KCNJ16: variants seen among roughly 807,000 people sequenced by gnomAD.
The protein encoded by KCNJ16 is potassium inwardly rectifying channel subfamily J member 16.
Under a neutral mutation model 18.5 loss-of-function variants are expected in KCNJ16, and 15 were observed. The observed-to-expected ratio is 0.81, with a 90% CI of 0.54 to 1.25. KCNJ16 has a LOEUF of 1.25. Ranked by LOEUF, KCNJ16 falls within the 50% of genes most tolerant of loss-of-function variation. KCNJ16 has a pLI of 0.00. For missense variants in KCNJ16, 523 were observed against 525.7 expected (o/e 0.99, Z 0.05); for synonymous variants, 174 against 186.5 (o/e 0.93, Z 0.55).
chr17:70,099,437 C>A (rs375604632), intron 1 of KCNJ16, among the ~76,000 whole-genome samples: 1 of 152,038 alleles, frequency 6.6e-6, no homozygotes, highest in East Asian at 1.9e-4. Context: ...TAGGGAGACA[C>A]ATTTTTATCT....
In KCNJ16 at chr17:70,135,000, C is replaced by CT. The variant is rs1415905515; in HGVS notation, c.*1660dup. 2 of 137,326 alleles carry CT rather than the reference C, an allele frequency of 1.5e-5. No individual in the cohort carries two copies. The highest frequency in any genetic ancestry group is 3.1e-5 in the African/African-American group (1 of 32,678). The allele number at this position is 137,326 out of a possible 1,614,324, so 8.5% of individuals were successfully genotyped here. A position where few individuals can be genotyped will look rare whatever the true frequency, so the allele number is the denominator to read the frequency against. On this transcript the variant is annotated 3_prime_UTR_variant, in exon 4 of 4. Coordinates refer to ENST00000392671, the MANE Select transcript of KCNJ16 (RefSeq NM_170741.4). ...CCCCCTCATCCTTCCCTTTCTCCTT[C>CT]TTTTCCCTTTTTTTTTTTTTTTTGA...
chr17:70,080,883 T>G (rs951205552), intron 1 of KCNJ16, among the ~76,000 whole-genome samples: 2 of 152,150 alleles, frequency 1.3e-5, no homozygotes, highest in Non-Finnish European at 2.9e-5. Flanking sequence ...GTTCGCTAGA[T>G]CTCCGATTCA....
chr17:70,129,606 A>G (rs2073986677), intron 2 of KCNJ16, among the ~76,000 whole-genome samples: 1 of 152,246 alleles, frequency 6.6e-6, no homozygotes, highest in Admixed American at 6.5e-5. Flanking sequence ...AGACCTAAAC[A>G]GAATCTGAAT....
intron 2 of KCNJ16, among the ~76,000 whole-genome samples, chr17:70,127,423 T>A (rs2073892524): frequency 6.7e-6 from 1 of 149,372 alleles, no homozygotes; most frequent in African/African-American, 2.5e-5. Context: ...CTCAGGCTCC[T>A]GCATAATTCT....
intron 2 of KCNJ16, among the ~76,000 whole-genome samples, chr17:70,118,383 A>G (rs182100895): frequency 1.7e-3 from 255 of 152,294 alleles, no homozygotes; most frequent in Non-Finnish European, 3.3e-3. Context: ...TGTTCTGCAC[A>G]TGTATCCAAG....
rs1174737922 is a variant in KCNJ16, at chr17:70,134,480, C to A, written c.*1136C>A. ...TTTGTGAGATAGAATTCAATTAAAG[C>A]GATTTGAATGCACAGTAAGTGGATA... On this transcript the variant is annotated 3_prime_UTR_variant, in exon 4 of 4. Coordinates refer to ENST00000392671, the MANE Select transcript of KCNJ16 (RefSeq NM_170741.4). 1 of 166,800 alleles carries A rather than the reference C, an allele frequency of 6.0e-6. No homozygotes were observed. The highest frequency in any genetic ancestry group is 1.5e-5 in the Non-Finnish European group (1 of 68,106). 10.3% of individuals were successfully genotyped at this position (166,800 alleles called of 1,614,324 possible).
chr17:70,120,340 CCT>C (rs1479151144), intron 2 of KCNJ16, among the ~76,000 whole-genome samples: 2 of 152,188 alleles, frequency 1.3e-5, no homozygotes, highest in African/African-American at 4.8e-5. Context: ...ACTCTTCCAC[CCT>C]CTGTCTGTCA....
Position 70,132,581 on chromosome 17 carries a change from T to A in KCNJ16, c.494T>A (p.Ile165Asn). 1 of 1,614,220 alleles carries A rather than the reference T, an allele frequency of 6.2e-7. No homozygotes were observed. The highest frequency in any genetic ancestry group is 8.5e-7 in the Non-Finnish European group (1 of 1,180,026). Residue 165 changes from isoleucine to asparagine, a missense_variant, in exon 4 of 4, where the codon ATT becomes AAT. Coordinates refer to ENST00000392671, the MANE Select transcript of KCNJ16 (RefSeq NM_170741.4). ...AGTTGCATCATAAATACCTTTATCA[T>A]TGGAGCTGCCTTGGCCAAAATGGCA... Reference protein sequence around the residue: ...ILSCIINTFIIGAALAKMATA... With the variant: ...ILSCIINTFINGAALAKMATA...
At chr17:70,084,117 G>A (rs868771610) in intron 1 of KCNJ16, among the ~76,000 whole-genome samples, 6 of 151,938 alleles carry the variant, frequency 3.9e-5, no homozygotes, top group East Asian at 1.9e-4. Flanking sequence ...TGCGTGGGTC[G>A]CCTGAGCACC....
intron 2 of KCNJ16, chr17:70,101,019 T>C (rs1371497145): frequency 1.3e-5 from 2 of 152,240 alleles, no homozygotes; most frequent in African/African-American, 2.4e-5. Context: ...AGAAATGCTA[T>C]TTATATATTT....
chr17:70,103,394 T>C (rs1326162690), intron 2 of KCNJ16, among the ~76,000 whole-genome samples: 1 of 149,912 alleles, frequency 6.7e-6, no homozygotes, highest in Non-Finnish European at 1.5e-5. Flanking sequence ...CACGAACTCC[T>C]GGGCTCAAGC....
At chr17:70,090,189 ATGG>A (rs1567781053) in intron 1 of KCNJ16, among the ~76,000 whole-genome samples, 1 of 152,206 alleles carries the variant, frequency 6.6e-6, no homozygotes, top group Non-Finnish European at 1.5e-5. Flanking sequence ...GGAAAGGCTG[ATGG>A]TGGTGATTTT....
At chr17:70,094,100 G>C (rs921254823) in intron 1 of KCNJ16, among the ~76,000 whole-genome samples, 1 of 152,154 alleles carries the variant, frequency 6.6e-6, no homozygotes, top group Non-Finnish European at 1.5e-5. Flanking sequence ...CATGACTCAG[G>C]TTTTCTTCCA....
At chr17:70,109,924 C>T (rs1233093809) in intron 2 of KCNJ16, among the ~76,000 whole-genome samples, 3 of 152,166 alleles carry the variant, frequency 2.0e-5, no homozygotes, top group Non-Finnish European at 2.9e-5. Flanking sequence ...CAAGGATCTC[C>T]CAAGGCTAAA....
At chr17:70,118,493 C>G (rs1267892561) in intron 2 of KCNJ16, among the ~76,000 whole-genome samples, 1 of 152,062 alleles carries the variant, frequency 6.6e-6, no homozygotes, top group African/African-American at 2.4e-5. Flanking sequence ...TCTGCAGGTT[C>G]TCCAGGAAGC....
chr17:70,088,481 TG>T (rs2071940110), intron 1 of KCNJ16, among the ~76,000 whole-genome samples: 1 of 152,172 alleles, frequency 6.6e-6, no homozygotes, highest in Non-Finnish European at 1.5e-5. Flanking sequence ...GTCCCTGGCC[TG>T]GGGGTTGAGG....
At chr17:70,080,491 C>T (rs903285322) in intron 1 of KCNJ16, among the ~76,000 whole-genome samples, 3 of 151,988 alleles carry the variant, frequency 2.0e-5, no homozygotes, top group African/African-American at 4.8e-5. Context: ...ATTTTGAGCT[C>T]GGGCCCAGTC....
chr17:70,104,580 G>A (rs2072823768), intron 2 of KCNJ16, among the ~76,000 whole-genome samples: 1 of 152,206 alleles, frequency 6.6e-6, no homozygotes, highest in Non-Finnish European at 1.5e-5. Context: ...CTTGGAAGAG[G>A]TTGTACAAGA....
intron 1 of KCNJ16, among the ~76,000 whole-genome samples, chr17:70,099,086 G>C (rs2072511950): frequency 6.6e-6 from 1 of 152,116 alleles, no homozygotes; most frequent in Non-Finnish European, 1.5e-5. Context: ...CCTCCAGAGA[G>C]GCAGTTAAAA....
Sources: gnomAD v4.1 joint callset for allele counts (sites outside exome capture counted in the v4.1 genomes callset) on GRCh38, gnomAD v4.1.1 for gene constraint, MANE v1.5 for transcripts, NCBI Gene and HGNC (gene_info 2026-07-23, HGNC 2026-07-21) for gene names.